HSD17B11: variants seen among roughly 807,000 people sequenced by gnomAD.
The protein encoded by HSD17B11 is hydroxysteroid 17-beta dehydrogenase 11.
Under a neutral mutation model 27.8 loss-of-function variants are expected in HSD17B11, and 22 were observed. That is an observed-to-expected ratio of 0.79 (90% CI 0.56 to 1.13). The LOEUF is 1.13. HSD17B11 is among the 50% of genes most tolerant of loss of function. The pLI is 0.00. For synonymous variants in HSD17B11, 117 were observed against 132.8 expected, an observed-to-expected ratio of 0.88 and a Z score of 0.82; for missense variants, 314 against 351.1, an observed-to-expected ratio of 0.89 and a Z score of 0.84.
intron 2 of HSD17B11, among the ~76,000 whole-genome samples, chr4:87,378,141 G>T (rs1432780281): frequency 6.6e-6 from 1 of 152,194 alleles, no homozygotes; most frequent in African/African-American, 2.4e-5. Flanking sequence ...TCTTCAGTCA[G>T]AATTGAATTT....
At chr4:87,355,036 T>G (rs1239332071) in intron 5 of HSD17B11, among the ~76,000 whole-genome samples, 1 of 151,464 alleles carries the variant, frequency 6.6e-6, no homozygotes, top group Non-Finnish European at 1.5e-5. Flanking sequence ...GAGGGTTGCT[T>G]GAGCCCAGTT....
chr4:87,375,695 C>A (rs1011590950), intron 2 of HSD17B11, among the ~76,000 whole-genome samples: 3 of 152,156 alleles, frequency 2.0e-5, no homozygotes, highest in South Asian at 4.1e-4. Context: ...GAGCTGAGAT[C>A]GCGCCATCGC....
chr4:87,363,753 T>C (rs545656506), intron 4 of HSD17B11, among the ~76,000 whole-genome samples: 1 of 152,198 alleles, frequency 6.6e-6, no homozygotes, highest in African/African-American at 2.4e-5. Flanking sequence ...TGCCCAGACC[T>C]GTAGCTCAGT....
chr4:87,381,976 G>A (rs1720184789), intron 2 of HSD17B11, among the ~76,000 whole-genome samples: 1 of 152,046 alleles, frequency 6.6e-6, no homozygotes, highest in Non-Finnish European at 1.5e-5. Context: ...TGTATTTGAG[G>A]CCCTGCCTTC....
chr4:87,360,229 CA>C (rs1361351695), intron 4 of HSD17B11, among the ~76,000 whole-genome samples: 2 of 151,904 alleles, frequency 1.3e-5, no homozygotes, highest in Non-Finnish European at 2.9e-5. Context: ...GTCAAACTTT[CA>C]AAAAAGTGAC....
At chr4:87,382,551 T>G (rs544598946) in intron 1 of HSD17B11, among the ~76,000 whole-genome samples, 189 bp from the exon 2 acceptor site, 3 of 152,358 alleles carry the variant, frequency 2.0e-5, no homozygotes, top group Admixed American at 1.3e-4. Context: ...GACTAGCTTC[T>G]TTTATTTGGA....
intron 5 of HSD17B11, among the ~76,000 whole-genome samples, chr4:87,355,210 A>G (rs969148873): frequency 2.6e-5 from 4 of 152,216 alleles, no homozygotes; most frequent in African/African-American, 4.8e-5. Flanking sequence ...TATGAATTTA[A>G]TATCAGTGAG....
intron 4 of HSD17B11, among the ~76,000 whole-genome samples, chr4:87,372,242 CAAAA>C (rs10618602): frequency 1.0e-5 from 1 of 99,454 alleles, no homozygotes; most frequent in Non-Finnish European, 2.1e-5. Context: ...GACTCCGTCT[CAAAA>C]AAAAAAAAAA....
At chr4:87,372,866 A>G in intron 3 of HSD17B11, 51 bp from the exon 4 acceptor site, 2 of 1,095,974 alleles carry the variant, frequency 1.8e-6, no homozygotes, top group East Asian at 2.4e-5. Flanking sequence ...TCAGACTCAC[A>G]GACCTATTGG....
At chr4:87,340,708 T>C in intron 5 of HSD17B11, 102 bp from the exon 6 acceptor site, 1 of 713,850 alleles carries the variant, frequency 1.4e-6, no homozygotes, top group Admixed American at 2.4e-5. Flanking sequence ...CACCATAACA[T>C]AACTGATTTG....
At chr4:87,389,200 TTTTA>T (rs1008615906) in intron 1 of HSD17B11, among the ~76,000 whole-genome samples, 24 of 152,188 alleles carry the variant, frequency 1.6e-4, no homozygotes, top group African/African-American at 5.8e-4. Context: ...GTAATTACTT[TTTTA>T]TTTATTAATT....
At chr4:87,372,297 C>G (rs1008238945) in intron 4 of HSD17B11, among the ~76,000 whole-genome samples, 1 of 150,234 alleles carries the variant, frequency 6.7e-6, no homozygotes, top group Non-Finnish European at 1.5e-5. Flanking sequence ...TTCTCTCTCT[C>G]TCACTCTGAT....
In HSD17B11 at chr4:87,370,754, TA is replaced by T. The variant is rs1232464284; in HGVS notation, c.557+1954del. Among the ~76,000 whole-genome samples, 112 of 15,136 alleles carry T rather than the reference TA, an allele frequency of 7.4e-3. 6 individuals are homozygous for T. Among genetic ancestry groups the T allele is most frequent in the Admixed American group, 0.012 (15 of 1,286 alleles). The allele number at this position is 15,136 out of a possible 152,430, so 9.9% of individuals were successfully genotyped here. A position where few individuals can be genotyped will look rare whatever the true frequency, so the allele number is the denominator to read the frequency against. On this transcript the variant is annotated intron_variant, in intron 4 of 6. Transcript: ENST00000358290. ...TTATTATTATTATTATTATTATTAT[TA>T]TTTTTTTTTTTTTTTGAGACGGAGT...
chr4:87,378,036 T>A (rs1476693934), intron 2 of HSD17B11, among the ~76,000 whole-genome samples: 1 of 152,092 alleles, frequency 6.6e-6, no homozygotes, highest in Non-Finnish European at 1.5e-5. Flanking sequence ...CTGTCTGACG[T>A]CAGAGCCCAA....
chr4:87,388,085 T>G (rs558260126), intron 1 of HSD17B11, among the ~76,000 whole-genome samples: 13 of 151,610 alleles, frequency 8.6e-5, no homozygotes. Flanking sequence ...GCTCCAGCCC[T>G]TTAAATCTCT....
At chr4:87,356,056 G>T (rs1026479034) in intron 5 of HSD17B11, among the ~76,000 whole-genome samples, 5 of 152,176 alleles carry the variant, frequency 3.3e-5, no homozygotes, top group African/African-American at 1.2e-4. Flanking sequence ...AGTCATCAGG[G>T]TAAAAACAAA....
intron 1 of HSD17B11, among the ~76,000 whole-genome samples, chr4:87,382,668 C>G (rs1172385462): frequency 1.3e-5 from 2 of 152,020 alleles, no homozygotes; most frequent in Admixed American, 1.3e-4. Flanking sequence ...TCTGTGTATT[C>G]CATATCAGGC....
intron 4 of HSD17B11, 142 bp from the exon 5 acceptor site, chr4:87,357,558 A>C: frequency 1.5e-6 from 1 of 666,850 alleles, no homozygotes; most frequent in Non-Finnish European, 2.4e-6. Flanking sequence ...ATCAGAGCCC[A>C]CATCTTACAA....
At chr4:87,378,948 T>TA (rs1560769667) in intron 2 of HSD17B11, among the ~76,000 whole-genome samples, 219 of 15,680 alleles carry the variant, frequency 0.014, 10 homozygotes, top group Non-Finnish European at 0.019. Context: ...ATATATATAT[T>TA]TATATATATA....
Sources: gnomAD v4.1 joint callset for allele counts (sites outside exome capture counted in the v4.1 genomes callset) on GRCh38, gnomAD v4.1.1 for gene constraint, MANE v1.5 for transcripts, NCBI Gene and HGNC (gene_info 2026-07-23, HGNC 2026-07-21) for gene names.